Variants in TENM3 observed in about 807,000 individuals in gnomAD.
TENM3 encodes teneurin-3.
In TENM3, 63 loss-of-function variants were observed where a neutral mutation model predicts 255.1. The ratio of observed to expected loss-of-function variants is 0.25; its 90% CI spans 0.20 to 0.30. The LOEUF (loss-of-function observed/expected upper bound fraction) is 0.30, where lower values mean the gene tolerates loss of function less well. Ranked by LOEUF, TENM3 falls within the 10% of genes least tolerant of loss-of-function variation. The probability of loss-of-function intolerance (pLI) is 1.00; values close to 1 mark genes in which losing one functional copy is unlikely to be tolerated. For synonymous variants in TENM3, 1,306 were observed against 1,322.3 expected (o/e 0.99, Z 0.27); for missense variants, 2,929 against 3,461.1 (o/e 0.85, Z 3.86).
At chr4:182,532,668 C>T (rs1739895115) in intron 3 of TENM3, among the ~76,000 whole-genome samples, 1 of 152,112 alleles carries the variant, frequency 6.6e-6, no homozygotes, top group Non-Finnish European at 1.5e-5. Context: ...TTGTACAGTA[C>T]TCAAAATGTT....
chr4:182,560,929 G>A (rs1391308010), intron 3 of TENM3, among the ~76,000 whole-genome samples: 2 of 152,206 alleles, frequency 1.3e-5, no homozygotes, highest in East Asian at 3.8e-4. Flanking sequence ...GTTGACATAT[G>A]TACGTATTTT....
chr4:181,592,186 C>T, the TENM3 span, among the ~76,000 whole-genome samples: 20 of 150,478 alleles, frequency 1.3e-4, no homozygotes, highest in Admixed American at 9.3e-4. Flanking sequence ...GTCAATTTGC[C>T]GATTATATGC....
At chr4:181,584,581 T>A in the TENM3 span, among the ~76,000 whole-genome samples, 1 of 152,340 alleles carries the variant, frequency 6.6e-6, no homozygotes. Flanking sequence ...TAAAATGTTT[T>A]AAGTTAATGC....
chr4:181,922,309 G>A, the TENM3 span, among the ~76,000 whole-genome samples: 1 of 152,174 alleles, frequency 6.6e-6, no homozygotes. Context: ...AGAAGGAATG[G>A]TACCAATTCC....
In TENM3 at chr4:182,793,885, G is replaced by A; in HGVS notation, c.7213G>A (p.Asp2405Asn). Residue 2405 changes from aspartate (D) to asparagine (N), a missense_variant and splice_region_variant, in exon 26 of 28, where the codon GAT becomes AAT. Asp to Asn is a conservative substitution (Grantham distance 23). Around this residue, in one of 6 missense-constraint regions of TENM3, gnomAD observed 476 missense variants for 480.1 expected, o/e 0.99. Coordinates refer to ENST00000511685, the MANE Select transcript of TENM3 (RefSeq NM_001080477.4). This position sits in a 1 kb window ranked among gnomAD's most constrained non-coding sequence, Gnocchi z 5.7. ...KIHDVKDYIT[D>N]VNSWLVTFGF... ...CCATGACGTGAAAGATTACATCACA[G>A]GTAAGCATTTTGATTCCTTCCCAAG... 6.3e-7 allele frequency: 1 copy of A among 1,593,656 alleles called. No individual in the cohort carries two copies. Among genetic ancestry groups the A allele is most frequent in the Non-Finnish European group, 8.6e-7 (1 of 1,168,880 alleles).
At chr4:181,671,950 A>T in the TENM3 span, among the ~76,000 whole-genome samples, 1 of 152,134 alleles carries the variant, frequency 6.6e-6, no homozygotes, top group African/African-American at 2.4e-5. Flanking sequence ...GAATAGGATT[A>T]TTCCCTGCTT....
At chr4:181,854,492 T>TC in the TENM3 span, among the ~76,000 whole-genome samples, 1 of 151,910 alleles carries the variant, frequency 6.6e-6, no homozygotes, top group Admixed American at 6.6e-5. Context: ...CCCATTTTTT[T>TC]CCCCTTTCCA....
At chr4:182,023,203 C>A in the TENM3 span, among the ~76,000 whole-genome samples, 1 of 152,152 alleles carries the variant, frequency 6.6e-6, no homozygotes, top group African/African-American at 2.4e-5. Flanking sequence ...TTTAAACTTT[C>A]TTTTTTCCAA....
intron 1 of TENM3, among the ~76,000 whole-genome samples, chr4:182,237,221 C>T (rs1021645389): frequency 5.3e-5 from 8 of 152,078 alleles, no homozygotes; most frequent in South Asian, 4.1e-4. Flanking sequence ...ATGGTGTATA[C>T]GTACCACATT....
At position 182,751,672 on chromosome 4, in the gene TENM3, T is replaced by G. The variant is rs184896125; in HGVS notation, c.3630-128T>G. Reference sequence around the variant, plus strand: ...ATTATTAAATAGACAGTACTATTCATGTCTAATCTTTGATCATGGATTCCA... The same window carrying G: ...ATTATTAAATAGACAGTACTATTCAGGTCTAATCTTTGATCATGGATTCCA... On this transcript the variant is annotated intron_variant, in intron 19 of 27. Coordinates refer to ENST00000511685, the MANE Select transcript of TENM3 (RefSeq NM_001080477.4). 21 of 682,458 alleles carry G rather than the reference T, an allele frequency of 3.1e-5. No homozygotes were observed. The Admixed American group carries it at 3.6e-4, about 12-fold the overall frequency. The allele number at this position is 682,458 out of a possible 1,614,324, so 42.3% of individuals were successfully genotyped here. A position where few individuals can be genotyped will look rare whatever the true frequency, so the allele number is the denominator to read the frequency against.
the TENM3 span, among the ~76,000 whole-genome samples, chr4:181,577,242 T>C: frequency 6.9e-6 from 1 of 144,870 alleles, no homozygotes; most frequent in African/African-American, 2.6e-5. Context: ...GGTTTCTCCA[T>C]GTTGGTCAGG....
At chr4:182,630,122 A>G (rs1206088778) in intron 5 of TENM3, among the ~76,000 whole-genome samples, 1 of 152,196 alleles carries the variant, frequency 6.6e-6, no homozygotes, top group Non-Finnish European at 1.5e-5. Context: ...CAGAGGTAAA[A>G]GCAAGATGAA....
intron 1 of TENM3, among the ~76,000 whole-genome samples, chr4:182,183,280 C>T (rs1364725796): frequency 6.6e-6 from 1 of 151,934 alleles, no homozygotes; most frequent in African/African-American, 2.4e-5. Context: ...GAGAAGAAAC[C>T]AGAATTTTTT....
intron 3 of TENM3, among the ~76,000 whole-genome samples, chr4:182,461,913 C>G (rs1316374916): frequency 6.6e-6 from 1 of 152,144 alleles, no homozygotes; most frequent in East Asian, 1.9e-4. Context: ...TTGCTGTTTT[C>G]TTGACATGCT....
chr4:181,910,042 T>C, the TENM3 span, among the ~76,000 whole-genome samples: 17 of 152,192 alleles, frequency 1.1e-4, no homozygotes, highest in Non-Finnish European at 2.1e-4. Context: ...GCTACTTTTA[T>C]AAAGAAAATA....
chr4:182,090,614 C>A, the TENM3 span, among the ~76,000 whole-genome samples: 1 of 152,154 alleles, frequency 6.6e-6, no homozygotes, highest in Non-Finnish European at 1.5e-5. Context: ...AGACAAGAAC[C>A]ATATATATAC....
At chr4:182,716,663 C>A (rs1759202192) in intron 13 of TENM3, among the ~76,000 whole-genome samples, 3 of 152,170 alleles carry the variant, frequency 2.0e-5, no homozygotes, top group Non-Finnish European at 4.4e-5. Context: ...ATTTTCCACA[C>A]CAAACCCCAA....
chr4:181,604,244 G>A, the TENM3 span, among the ~76,000 whole-genome samples: 4 of 152,096 alleles, frequency 2.6e-5, no homozygotes, highest in East Asian at 1.9e-4. Context: ...CAGCCTGGGC[G>A]ACAGAGCGAG....
At chr4:181,705,641 C>T in the TENM3 span, among the ~76,000 whole-genome samples, 110 of 152,254 alleles carry the variant, frequency 7.2e-4, no homozygotes, top group African/African-American at 2.4e-3. Context: ...CTAATCCATG[C>T]TGGGCTTAAT....
Sources: gnomAD v4.1 joint callset for allele counts (sites outside exome capture counted in the v4.1 genomes callset) on GRCh38, gnomAD v4.1.1 for gene constraint, gnomAD v4.1.1 regional missense constraint, Gnocchi (gnomAD v3.1) non-coding constraint, MANE v1.5 for transcripts, NCBI Gene and HGNC (gene_info 2026-07-23, HGNC 2026-07-21) for gene names.